EFCAB5: variants seen among roughly 807,000 people sequenced by gnomAD.
EFCAB5 encodes EF-hand calcium binding domain 5.
EFCAB5 carries 131 observed loss-of-function variants against 167.9 expected under a neutral mutation model. The ratio of observed to expected loss-of-function variants is 0.78; its 90% CI spans 0.68 to 0.90. The LOEUF is 0.90. EFCAB5 is among the 40% of genes least tolerant of loss of function. The pLI is 0.00. For synonymous variants in EFCAB5, 574 were observed against 602.8 expected (o/e 0.95, Z 0.70); for missense variants, 1,663 against 1,745.2 (o/e 0.95, Z 0.84).
intron 7 of EFCAB5, among the ~76,000 whole-genome samples, chr17:30,005,839 A>G (rs2151667745): frequency 6.6e-6 from 1 of 152,360 alleles, no homozygotes; most frequent in South Asian, 2.1e-4. Context: ...GGTAAGGGTT[A>G]AGTCAAGCCT....
intron 3 of EFCAB5, among the ~76,000 whole-genome samples, chr17:29,967,322 A>G (rs2067850169): frequency 6.6e-6 from 1 of 152,222 alleles, no homozygotes; most frequent in Non-Finnish European, 1.5e-5. Flanking sequence ...GAAGCTGTCA[A>G]TAGGTCATTT....
At chr17:30,018,701 T>G (rs549081600) in intron 7 of EFCAB5, among the ~76,000 whole-genome samples, 1 of 152,330 alleles carries the variant, frequency 6.6e-6, no homozygotes, top group South Asian at 2.1e-4. Context: ...TCAATTTGGC[T>G]GCTTACACCT....
At chr17:29,954,671 C>T (rs890298019) in intron 3 of EFCAB5, among the ~76,000 whole-genome samples, 2 of 152,210 alleles carry the variant, frequency 1.3e-5, no homozygotes, top group Non-Finnish European at 2.9e-5. Context: ...ACGCAGAGTC[C>T]CTGCTGGGGC....
intron 3 of EFCAB5, among the ~76,000 whole-genome samples, chr17:29,945,082 C>T (rs1424361474): frequency 6.6e-6 from 1 of 152,256 alleles, no homozygotes; most frequent in South Asian, 2.1e-4. Context: ...AGAAGACATT[C>T]ATCTCTTTCA....
At chr17:30,001,517 T>C (rs971921938) in intron 7 of EFCAB5, among the ~76,000 whole-genome samples, 1 of 152,216 alleles carries the variant, frequency 6.6e-6, no homozygotes, top group Non-Finnish European at 1.5e-5. Flanking sequence ...TGGTGGCTTA[T>C]GCCAATGACT....
chr17:29,933,709 C>T (rs1035220508), intron 1 of EFCAB5, among the ~76,000 whole-genome samples: 37 of 152,176 alleles, frequency 2.4e-4, no homozygotes, highest in Non-Finnish European at 8.8e-5. Context: ...CTTGAAATCT[C>T]TGAGGTTAGC....
chr17:30,023,481 G>A (rs2069234782), intron 7 of EFCAB5, among the ~76,000 whole-genome samples: 1 of 152,100 alleles, frequency 6.6e-6, no homozygotes, highest in African/African-American at 2.4e-5. Context: ...ACTAAACCAG[G>A]AAGAAGTTGA....
At position 29,999,903 on chromosome 17, in the gene EFCAB5, T is replaced by C. The variant is rs540803734; in HGVS notation, c.974-3T>C. 4 of 1,574,494 alleles carry C rather than the reference T, an allele frequency of 2.5e-6. No homozygotes were observed. The highest frequency in any genetic ancestry group is 2.4e-5 in the South Asian group (2 of 84,968). ...TAGCAAATAATCTTCATTCCATAAA[T>C]AGGATCACACTGCAAACAACTGGAT... is the stretch of plus-strand genomic sequence containing the variant. On this transcript the variant is annotated splice_polypyrimidine_tract_variant and splice_region_variant and intron_variant, in intron 6 of 22. Coordinates refer to ENST00000394835, the MANE Select transcript of EFCAB5 (RefSeq NM_198529.4).
intron 8 of EFCAB5, among the ~76,000 whole-genome samples, chr17:30,038,316 C>T (rs548690213): frequency 5.4e-4 from 82 of 152,214 alleles, no homozygotes; most frequent in Non-Finnish European, 1.0e-3. Flanking sequence ...CAAATCTACT[C>T]TGCCTGTGCT....
chr17:30,077,118 A>G (rs1567762149), intron 14 of EFCAB5, among the ~76,000 whole-genome samples: 1 of 152,180 alleles, frequency 6.6e-6, no homozygotes, highest in Non-Finnish European at 1.5e-5. Context: ...CCTGGCCAGT[A>G]TAGTGAAACC....
chr17:29,942,406 T>C (rs1192119751), intron 2 of EFCAB5, 104 bp downstream of exon 2: 1 of 1,106,348 alleles, frequency 9.0e-7, no homozygotes, highest in Non-Finnish European at 1.2e-6. Flanking sequence ...AAAAGATAAC[T>C]AAAATTGCAA....
intron 1 of EFCAB5, chr17:29,930,138 G>A: frequency 2.6e-6 from 2 of 779,732 alleles, no homozygotes; most frequent in South Asian, 1.7e-5. Context: ...CCGCGGGAAC[G>A]GCCGCAGACT....
intron 14 of EFCAB5, chr17:30,068,749 A>C (rs1045096057): frequency 4.2e-6 from 6 of 1,431,802 alleles, no homozygotes; most frequent in Non-Finnish European, 5.9e-6. Flanking sequence ...GCTGTTCCGC[A>C]GGAGTCCCTG....
In EFCAB5 at chr17:29,941,852, A is replaced by C. The variant is rs1479377666; in HGVS notation, c.42+14A>C. Reference sequence around the variant, plus strand: ...AGACCTGCTCAGGTTCTTGTCCTACATAGGTTTATCACATTTATGGGAAGA... The same window carrying C: ...AGACCTGCTCAGGTTCTTGTCCTACCTAGGTTTATCACATTTATGGGAAGA... On this transcript the variant is annotated intron_variant, in intron 1 of 22. Coordinates refer to ENST00000394835, the MANE Select transcript of EFCAB5 (RefSeq NM_198529.4). 1 of 1,598,092 alleles carries C rather than the reference A, an allele frequency of 6.3e-7. No individual in the cohort carries two copies. The highest frequency in any genetic ancestry group is 2.2e-5 in the East Asian group (1 of 44,512).
intron 14 of EFCAB5, among the ~76,000 whole-genome samples, chr17:30,077,445 T>G (rs1399889220): frequency 1.3e-5 from 2 of 152,068 alleles, no homozygotes; most frequent in African/African-American, 4.8e-5. Context: ...TTGGGAAAAT[T>G]ACAAGAAAGG....
intron 8 of EFCAB5, among the ~76,000 whole-genome samples, chr17:30,049,690 A>T (rs1293490710): frequency 6.6e-6 from 1 of 152,236 alleles, no homozygotes; most frequent in Non-Finnish European, 1.5e-5. Context: ...CTATCAGATT[A>T]CAAAAAATAA....
chr17:30,010,346 G>T (rs1227282613), intron 7 of EFCAB5, among the ~76,000 whole-genome samples: 2 of 152,162 alleles, frequency 1.3e-5, no homozygotes, highest in Admixed American at 1.3e-4. Context: ...TGGGTCAAAT[G>T]ATATTTCTAG....
At chr17:30,074,627 T>G (rs1200669138) in intron 14 of EFCAB5, 2 of 152,232 alleles carry the variant, frequency 1.3e-5, no homozygotes, top group African/African-American at 4.8e-5. Context: ...CAATCTTAAG[T>G]AAATCTTCTG....
At chr17:29,941,185 A>C (rs1489900006), upstream of EFCAB5, among the ~76,000 whole-genome samples, 1 of 152,172 alleles carries the variant, frequency 6.6e-6, no homozygotes. Context: ...TCATATATAT[A>C]CAAACTCTTA....
Sources: allele counts gnomAD v4.1 joint callset (sites outside exome capture counted in the v4.1 genomes callset), GRCh38; gene constraint gnomAD v4.1.1; transcripts MANE v1.5; gene names NCBI Gene and HGNC (gene_info 2026-07-23, HGNC 2026-07-21).